The following C2orf92 variants were observed in gnomAD, a reference collection of about 807,000 sequenced individuals.
C2orf92 encodes the protein chromosome 2 open reading frame 92, also known as uncharacterized protein C2orf92.
chr2:97,700,963 C>G (rs1024528617), intron 6 of C2orf92, among the ~76,000 whole-genome samples, 191 bp from the exon 7 acceptor site: 3 of 152,058 alleles, frequency 2.0e-5, no homozygotes, highest in Middle Eastern at 3.4e-3. Flanking sequence ...GATCTCCTGA[C>G]CTCGTGATCC....
chr2:97,686,181 G>A (rs1465698263), intron 3 of C2orf92, among the ~76,000 whole-genome samples: 1 of 152,230 alleles, frequency 6.6e-6, no homozygotes, highest in East Asian at 1.9e-4. Flanking sequence ...GTGAAAGAGA[G>A]AGCAAGGGAG....
At chr2:97,698,918 C>T in intron 5 of C2orf92, 108 bp from the exon 6 acceptor site, 1 of 395,862 alleles carries the variant, frequency 2.5e-6, no homozygotes, top group Non-Finnish European at 4.4e-6. Context: ...TCCCCCAAGT[C>T]CTCCCTAACT....
At chr2:97,698,529 A>G (rs908249356) in intron 5 of C2orf92, among the ~76,000 whole-genome samples, 3 of 152,202 alleles carry the variant, frequency 2.0e-5, no homozygotes, top group African/African-American at 7.2e-5. Flanking sequence ...TCGTGTTTTA[A>G]AAATTATTTT....
chr2:97,675,770 A>G (rs1435760910), intron 2 of C2orf92, 75 bp from the exon 3 acceptor site: 1 of 398,780 alleles, frequency 2.5e-6, no homozygotes, highest in African/African-American at 2.1e-5. Context: ...CCCGTGCAGA[A>G]GAGTATCAAT....
chr2:97,687,105 C>T (rs970248236), intron 3 of C2orf92, among the ~76,000 whole-genome samples: 2 of 152,084 alleles, frequency 1.3e-5, no homozygotes, highest in Non-Finnish European at 2.9e-5. Flanking sequence ...TGGCTCATGC[C>T]TGTAATTTCA....
chr2:97,681,674 C>T (rs559022896), intron 3 of C2orf92, among the ~76,000 whole-genome samples: 3 of 152,144 alleles, frequency 2.0e-5, no homozygotes, highest in Non-Finnish European at 2.9e-5. Context: ...CTGGCTAACA[C>T]GGTGAAACCC....
At chr2:97,676,293 G>A (rs983612250) in intron 3 of C2orf92, among the ~76,000 whole-genome samples, 1 of 151,802 alleles carries the variant, frequency 6.6e-6, no homozygotes, top group Admixed American at 6.6e-5. Flanking sequence ...AATTAGCTGG[G>A]CATGGTGGTG....
chr2:97,698,209 G>A (rs1559307260), intron 5 of C2orf92: 1 of 152,148 alleles, frequency 6.6e-6, no homozygotes, highest in Non-Finnish European at 1.5e-5. Flanking sequence ...CTACCCATTG[G>A]TTCTAGTTTG....
rs200220123 is a variant in C2orf92, at chr2:97,684,286, C to T, written c.233-4609C>T. ...CCCTGACCTCGTGATCCGCCCACCT[C>T]GGCCTCCCAAAGTGCTGGGATTACA... On this transcript the variant is annotated intron_variant, in intron 3 of 7. Transcript: ENST00000627399. Among the ~76,000 whole-genome samples, 22 of 152,230 alleles carry T rather than the reference C, an allele frequency of 1.4e-4. No homozygotes were observed. In the East Asian group the frequency reaches 2.5e-3, roughly 17 times the overall value.
intron 5 of C2orf92, among the ~76,000 whole-genome samples, chr2:97,698,285 G>A (rs1037840303): frequency 6.6e-6 from 1 of 152,210 alleles, no homozygotes; most frequent in Admixed American, 6.5e-5. Context: ...GGCAAAGATA[G>A]GCAGGCCATG....
intron 5 of C2orf92, among the ~76,000 whole-genome samples, chr2:97,697,499 CTG>C (rs948218320): frequency 5.3e-5 from 8 of 152,202 alleles, no homozygotes; most frequent in Non-Finnish European, 1.5e-5. Flanking sequence ...GGCTTTCTGT[CTG>C]TGGCTATTAA....
chr2:97,691,624 C>T (rs1319356123), intron 5 of C2orf92, among the ~76,000 whole-genome samples: 3 of 152,190 alleles, frequency 2.0e-5, no homozygotes, highest in African/African-American at 7.2e-5. Flanking sequence ...TGTGGTCTTT[C>T]CTGGGTGCAG....
intron 5 of C2orf92, chr2:97,697,209 T>C (rs934985286): frequency 2.0e-5 from 3 of 152,170 alleles, no homozygotes; most frequent in Admixed American, 2.0e-4. Context: ...ACTGTGTTGG[T>C]CAAAAATTTG....
At chr2:97,664,002 C>A (rs1349312200), upstream of C2orf92, 2 of 556,724 alleles carry the variant, frequency 3.6e-6, no homozygotes, top group Non-Finnish European at 5.2e-6. Flanking sequence ...CGCTGCCCTC[C>A]CTCCCCGAGC....
At chr2:97,678,154 C>T (rs983976941) in intron 3 of C2orf92, among the ~76,000 whole-genome samples, 2 of 151,102 alleles carry the variant, frequency 1.3e-5, no homozygotes, top group Admixed American at 1.3e-4. Context: ...GAGCCGAGAT[C>T]GCGCCATTGC....
At position 97,680,087 on chromosome 2, in the gene C2orf92, C is replaced by G. The variant is rs570270373; in HGVS notation, c.232+4159C>G. 2.0e-5 allele frequency among the ~76,000 whole-genome samples: 3 copies of G among 151,898 alleles called. No individual in the cohort carries two copies. In the South Asian group the frequency reaches 6.2e-4, roughly 32 times the overall value. On this transcript the variant is annotated intron_variant, in intron 3 of 7. Transcript: ENST00000627399. ...AGCCAAGGTGGGCAGATCACTTAAGCTCAGGAGTTCAAGACCAGCCTGGCC... is the reference window on the plus strand; with the variant it reads ...AGCCAAGGTGGGCAGATCACTTAAGGTCAGGAGTTCAAGACCAGCCTGGCC...
intron 4 of C2orf92, among the ~76,000 whole-genome samples, chr2:97,689,293 G>A (rs1392718878): frequency 6.6e-6 from 1 of 152,168 alleles, no homozygotes; most frequent in African/African-American, 2.4e-5. Flanking sequence ...TGCAAGTGGG[G>A]TTCCCCACTC....
At chr2:97,693,078 T>G (rs1300147098) in intron 5 of C2orf92, among the ~76,000 whole-genome samples, 2 of 152,206 alleles carry the variant, frequency 1.3e-5, no homozygotes, top group African/African-American at 4.8e-5. Context: ...AATCATACAG[T>G]ATTTGTCTTT....
intron 4 of C2orf92, among the ~76,000 whole-genome samples, chr2:97,690,004 G>T (rs1010525413): frequency 3.3e-5 from 5 of 152,006 alleles, no homozygotes; most frequent in Admixed American, 6.6e-5. Flanking sequence ...GGTGGCTCAT[G>T]CCTGTAGTCC....
Sources: allele counts gnomAD v4.1 joint callset (sites outside exome capture counted in the v4.1 genomes callset), GRCh38; gene constraint gnomAD v4.1.1; transcripts MANE v1.5; gene names NCBI Gene and HGNC (gene_info 2026-07-23, HGNC 2026-07-21).